Variants in NEBL observed in about 807,000 individuals in gnomAD.
The protein encoded by NEBL is LIM and SH3 protein 2.
Under a neutral mutation model 140.2 loss-of-function variants are expected in NEBL, and 122 were observed. The observed-to-expected ratio is 0.87, with a 90% CI of 0.75 to 1.01. NEBL has a LOEUF of 1.01. NEBL is among the 50% of genes least tolerant of loss of function. NEBL has a pLI of 0.00. For synonymous variants in NEBL, 436 were observed against 398.9 expected (o/e 1.09, Z -1.11); for missense variants, 1,365 against 1,231.3 (o/e 1.11, Z -1.62).
rs1038669165 is a variant in NEBL at position 21,227,137 on chromosome 10, T to C, written n.348+20784A>G. 4.6e-5 allele frequency among the ~76,000 whole-genome samples: 7 copies of C among 152,250 alleles called. No individual in the cohort carries two copies. The East Asian group carries it at 1.2e-3, about 25-fold the overall frequency. On this transcript the variant is annotated intron_variant and non_coding_transcript_variant, in intron 3 of 8. Transcript: ENST00000675702. The stretch of plus-strand genomic sequence containing the variant: ...CTAGATTTAAGCTTTTTTCCCCCCA[T>C]TAATTGGAAATTTTCTGATCTGTGA...
At position 21,047,418 on chromosome 10, in the gene NEBL, C is replaced by A. The variant is rs140587357; in HGVS notation, c.165-27217G>T. ...AAAAAACAAAAATACATGTGGGGTTCTGCAATGCTTTAGTTATTTCTATAG... is the reference window on the plus strand; with the variant it reads ...AAAAAACAAAAATACATGTGGGGTTATGCAATGCTTTAGTTATTTCTATAG... On this transcript the variant is annotated intron_variant, in intron 2 of 6. Transcript: ENST00000417816. Among the ~76,000 whole-genome samples, 417 of 152,170 alleles carry A rather than the reference C, an allele frequency of 2.7e-3. 1 individual carries two copies. The highest frequency in any genetic ancestry group is 0.012 in the South Asian group (60 of 4,816).
chr10:21,072,232 T>C lies in NEBL; in HGVS notation c.165-52031A>G, dbSNP rs190912334. On this transcript the variant is annotated intron_variant, in intron 2 of 6. Coordinates refer to the NEBL transcript ENST00000417816. ...CTTACAGACAGGTCACTTCAATCCC[T>C]ATCTTAGTCTCCTCATAGCCCTCCC... 3.3e-4 allele frequency among the ~76,000 whole-genome samples: 50 copies of C among 152,244 alleles called. 1 individual carries two copies. The highest frequency in any genetic ancestry group is 6.3e-4 in the Non-Finnish European group (43 of 68,004).
intron 1 of NEBL, among the ~76,000 whole-genome samples, chr10:21,277,053 C>G (rs191333187): frequency 1.4e-4 from 22 of 151,830 alleles, no homozygotes; most frequent in African/African-American, 4.3e-4. Context: ...CACTTGAGCC[C>G]AGGAGGTCAA....
chr10:20,871,753 G>A (rs931947512), intron 5 of NEBL, among the ~76,000 whole-genome samples: 3 of 152,114 alleles, frequency 2.0e-5, no homozygotes, highest in African/African-American at 4.8e-5. Flanking sequence ...TATGCACACA[G>A]GTAGTAAAAG....
rs570684318 is a variant in NEBL at position 20,785,557 on chromosome 10, A to G, written c.*190T>C. 17 of 655,176 alleles carry G rather than the reference A, an allele frequency of 2.6e-5. No homozygotes were observed. Among genetic ancestry groups the G allele is most frequent in the Middle Eastern group, 4.2e-4 (1 of 2,364 alleles). 40.6% of individuals were successfully genotyped at this position (655,176 alleles called of 1,614,324 possible). Reference sequence around the variant, plus strand: ...GACACAAAGATTTTTGTTTGTAGGAATTACTGAAAATGCTGCTGTTTTCAG... The same window carrying G: ...GACACAAAGATTTTTGTTTGTAGGAGTTACTGAAAATGCTGCTGTTTTCAG... On this transcript the variant is annotated 3_prime_UTR_variant, in exon 28 of 28. Coordinates refer to ENST00000377122, the MANE Select transcript of NEBL (RefSeq NM_006393.3).
chr10:21,191,937 A>G (rs1485317872), intron 3 of NEBL, among the ~76,000 whole-genome samples: 1 of 152,210 alleles, frequency 6.6e-6, no homozygotes, highest in African/African-American at 2.4e-5. Context: ...AATATCTGTA[A>G]AACAAAGTTT....
intron 3 of NEBL, among the ~76,000 whole-genome samples, chr10:20,991,030 T>C (rs930869310): frequency 1.3e-5 from 2 of 152,200 alleles, no homozygotes; most frequent in African/African-American, 4.8e-5. Flanking sequence ...CCCTAACACA[T>C]ACTCTGACAT....
At chr10:20,886,683 G>A (rs1299873310) in intron 4 of NEBL, among the ~76,000 whole-genome samples, 2 of 152,148 alleles carry the variant, frequency 1.3e-5, no homozygotes, top group Non-Finnish European at 2.9e-5. Context: ...CCATTTACTG[G>A]CTGTGCCACC....
At chr10:21,280,922 G>C (rs1422799416) in intron 1 of NEBL, among the ~76,000 whole-genome samples, 1 of 152,136 alleles carries the variant, frequency 6.6e-6, no homozygotes, top group Non-Finnish European at 1.5e-5. Flanking sequence ...GCCAAGCATT[G>C]TAGATTTTTT....
chr10:20,974,153 C>A (rs1030973908), intron 3 of NEBL, among the ~76,000 whole-genome samples: 1 of 152,164 alleles, frequency 6.6e-6, no homozygotes, highest in African/African-American at 2.4e-5. Flanking sequence ...AAACCCAGAT[C>A]TGCTGTCCCC....
chr10:21,096,513 G>GTGTGTGTGTGTGTT (rs1269320125), intron 2 of NEBL, among the ~76,000 whole-genome samples: 6 of 151,592 alleles, frequency 4.0e-5, no homozygotes, highest in African/African-American at 1.5e-4. Flanking sequence ...GTGTGTGTGT[G>GTGTGTGTGTGTGTT]TGTGTGTGTG....
At chr10:20,898,788 AC>A (rs1412289398), upstream of NEBL, among the ~76,000 whole-genome samples, 1 of 151,938 alleles carries the variant, frequency 6.6e-6, no homozygotes, top group African/African-American at 2.4e-5. Flanking sequence ...TAATCTACCT[AC>A]CTACCTATCT....
At chr10:20,933,764 G>A (rs1367129753) in intron 4 of NEBL, among the ~76,000 whole-genome samples, 5 of 152,074 alleles carry the variant, frequency 3.3e-5, no homozygotes, top group Admixed American at 6.6e-5. Context: ...AGTTACATAA[G>A]AAAATACAAT....
In NEBL at chr10:21,086,031, G is replaced by GA. The variant is rs34295157; in HGVS notation, c.165-65831dup. Reference sequence around the variant, plus strand: ...GTACTTCTTTGATAAGATGTACTTTGAAAAAAAAATCCATAAATATGTGTG... The same window carrying GA: ...GTACTTCTTTGATAAGATGTACTTTGAAAAAAAAAATCCATAAATATGTGTG... On this transcript the variant is annotated intron_variant, in intron 2 of 6. Transcript: ENST00000417816. Among the ~76,000 whole-genome samples the GA allele has an allele frequency of 5.9e-4, 89 of 150,862 alleles. 1 individual carries two copies. The highest frequency in any genetic ancestry group is 8.0e-4 in the Non-Finnish European group (54 of 67,734).
chr10:21,170,842 A>G (rs1480636287), intron 2 of NEBL: 1 of 152,282 alleles, frequency 6.6e-6, no homozygotes, highest in African/African-American at 2.4e-5. Flanking sequence ...TATACTGTCT[A>G]TGATAACATA....
In NEBL at chr10:21,120,374, C is replaced by CAA. The variant is rs1157067083; in HGVS notation, c.164+52007_164+52008dup. On this transcript the variant is annotated intron_variant, in intron 2 of 6. Transcript: ENST00000417816. ...TGGGCAACAGAGTGAGACTGTGTCT[C>CAA]AAAAAAAAAAAAAAAATACATATAT... 6.2e-4 allele frequency among the ~76,000 whole-genome samples: 30 copies of CAA among 48,378 alleles called. 2 individuals carry two copies. The highest frequency in any genetic ancestry group is 1.8e-3 in the African/African-American group (20 of 10,822). The allele number at this position is 48,378 out of a possible 152,430, so 31.7% of individuals were successfully genotyped here. A position where few individuals can be genotyped will look rare whatever the true frequency, so the allele number is the denominator to read the frequency against.
Position 20,887,598 on chromosome 10 carries a change from G to T in NEBL, c.369+499C>A, listed in dbSNP as rs143362547. 4.9e-3 allele frequency among the ~76,000 whole-genome samples: 749 copies of T among 151,888 alleles called. 3 individuals carry two copies. The highest frequency in any genetic ancestry group is 0.016 in the African/African-American group (678 of 41,416). ...CAAACGGCTAATTTTTGTATTTTTGGTAGAGACCAGCTTTTGCCATGTTGC... is the reference window on the plus strand; with the variant it reads ...CAAACGGCTAATTTTTGTATTTTTGTTAGAGACCAGCTTTTGCCATGTTGC... On this transcript the variant is annotated intron_variant, in intron 4 of 27. Coordinates refer to ENST00000377122, the MANE Select transcript of NEBL (RefSeq NM_006393.3).
At chr10:21,287,663 A>G (rs1278407986) in intron 1 of NEBL, among the ~76,000 whole-genome samples, 5 of 152,218 alleles carry the variant, frequency 3.3e-5, no homozygotes, top group Non-Finnish European at 7.3e-5. Context: ...AAACCCCTAT[A>G]ATCCAGATAT....
intron 2 of NEBL, among the ~76,000 whole-genome samples, chr10:21,035,931 G>A (rs911462618): frequency 6.6e-6 from 1 of 152,148 alleles, no homozygotes; most frequent in Non-Finnish European, 1.5e-5. Context: ...GGGAGGCTGA[G>A]GTGAGCGGAT....
Sources: gnomAD v4.1 joint callset for allele counts (sites outside exome capture counted in the v4.1 genomes callset) on GRCh38, gnomAD v4.1.1 for gene constraint, MANE v1.5 for transcripts, NCBI Gene and HGNC (gene_info 2026-07-23, HGNC 2026-07-21) for gene names.